SPATA17: variants seen among roughly 807,000 people sequenced by gnomAD.
SPATA17 encodes spermatogenesis associated 17.
Under a neutral mutation model 62.2 loss-of-function variants are expected in SPATA17, and 53 were observed. The ratio of observed to expected loss-of-function variants is 0.85; its 90% CI spans 0.68 to 1.07. The LOEUF (loss-of-function observed/expected upper bound fraction) is 1.07, where lower values mean the gene tolerates loss of function less well. SPATA17 is among the 50% of genes least tolerant of loss of function. The pLI, the probability that SPATA17 is intolerant of heterozygous loss-of-function variation, is 0.00. For synonymous variants in SPATA17, 146 were observed against 146.8 expected, an observed-to-expected ratio of 0.99 and a Z score of 0.04; for missense variants, 466 against 425.5, an observed-to-expected ratio of 1.10 and a Z score of -0.84.
chr1:217,799,183 T>C (rs1280893592), intron 8 of SPATA17, among the ~76,000 whole-genome samples: 1 of 152,166 alleles, frequency 6.6e-6, no homozygotes, highest in Non-Finnish European at 1.5e-5. Context: ...TACATGCACA[T>C]ATATATGTAC....
chr1:217,732,078 T>C (rs1672413811), intron 5 of SPATA17, among the ~76,000 whole-genome samples: 1 of 116,548 alleles, frequency 8.6e-6, no homozygotes, highest in Non-Finnish European at 2.0e-5. Context: ...AGAAAATTAC[T>C]CCAGTTTCTC....
chr1:217,787,737 T>C (rs1673904496), intron 8 of SPATA17, among the ~76,000 whole-genome samples: 1 of 152,270 alleles, frequency 6.6e-6, no homozygotes, highest in East Asian at 1.9e-4. Flanking sequence ...TAAACGCTCT[T>C]CACTGATCTT....
chr1:217,796,619 C>T (rs1300259145), intron 8 of SPATA17, among the ~76,000 whole-genome samples: 1 of 152,100 alleles, frequency 6.6e-6, no homozygotes, highest in African/African-American at 2.4e-5. Context: ...ACTATGAATT[C>T]TACTCTAAGT....
At position 217,870,949 on chromosome 1, in the gene SPATA17, T is replaced by C. The variant is rs898711591; in HGVS notation, c.*3930T>C. The C allele has an allele frequency of 6.6e-6, 1 of 152,182 alleles. No individual in the cohort carries two copies. The highest frequency in any genetic ancestry group is 6.6e-5 in the Admixed American group (1 of 15,266). 9.4% of individuals were successfully genotyped at this position (152,182 alleles called of 1,614,324 possible). On this transcript the variant is annotated 3_prime_UTR_variant, in exon 11 of 11. Transcript: ENST00000366933. ...TAAATAAAGAAGTTCAAAAAAATCT[T>C]TTAATAGAAGCTATAAAATAGCAGA...
chr1:217,689,466 T>A (rs1671298964), intron 5 of SPATA17, among the ~76,000 whole-genome samples: 2 of 152,072 alleles, frequency 1.3e-5, no homozygotes, highest in Non-Finnish European at 2.9e-5. Flanking sequence ...CCTCAGGTGA[T>A]CTGGCCACCT....
At chr1:217,721,628 C>T (rs1331574564) in intron 5 of SPATA17, among the ~76,000 whole-genome samples, 1 of 152,148 alleles carries the variant, frequency 6.6e-6, no homozygotes, top group Non-Finnish European at 1.5e-5. Context: ...TTTGCCATAG[C>T]CGTTCTCATG....
At chr1:217,681,417 A>G (rs1191248937) in intron 4 of SPATA17, among the ~76,000 whole-genome samples, 1 of 151,762 alleles carries the variant, frequency 6.6e-6, no homozygotes, top group African/African-American at 2.4e-5. Flanking sequence ...TCTGTCGCCC[A>G]GGCTGGAGTG....
intron 6 of SPATA17, among the ~76,000 whole-genome samples, chr1:217,753,983 C>T (rs1672977849): frequency 6.6e-6 from 1 of 152,028 alleles, no homozygotes; most frequent in African/African-American, 2.4e-5. Context: ...GCCTGTAATA[C>T]CCAACACTTT....
At chr1:217,660,165 G>A (rs1451331330) in intron 3 of SPATA17, among the ~76,000 whole-genome samples, 6 of 152,020 alleles carry the variant, frequency 3.9e-5, no homozygotes, top group Admixed American at 1.3e-4. Flanking sequence ...TATTTCCTAC[G>A]TATCCCTCAA....
At position 217,715,256 on chromosome 1, in the gene SPATA17, T is replaced by A. The variant is rs116165590; in HGVS notation, c.396-26719T>A. Among the ~76,000 whole-genome samples the A allele has an allele frequency of 5.0e-3, 759 of 152,320 alleles. 7 individuals are homozygous for A. The highest frequency in any genetic ancestry group is 0.017 in the African/African-American group (726 of 41,572). On this transcript the variant is annotated intron_variant, in intron 5 of 10. Coordinates refer to ENST00000366933, the MANE Select transcript of SPATA17 (RefSeq NM_138796.4). ...CGTATTAACAGATGATATTGAAATA[T>A]CTTTTTTACTCCTGAAGCATAAAGG...
intron 3 of SPATA17, among the ~76,000 whole-genome samples, chr1:217,651,774 A>G (rs1335053695): frequency 6.6e-6 from 1 of 152,232 alleles, no homozygotes; most frequent in African/African-American, 2.4e-5. Flanking sequence ...GGAAAGCAAC[A>G]AAGATTACAT....
intron 9 of SPATA17, among the ~76,000 whole-genome samples, chr1:217,818,107 A>G (rs1674766440): frequency 6.6e-6 from 1 of 152,046 alleles, no homozygotes; most frequent in African/African-American, 2.4e-5. Flanking sequence ...GAGAAAATAA[A>G]ACCACCTATT....
intron 7 of SPATA17, chr1:217,781,283 C>T (rs1054035336): frequency 6.6e-6 from 1 of 152,112 alleles, no homozygotes; most frequent in Admixed American, 6.6e-5. Context: ...TTAGTGATAA[C>T]CTATTTAAAG....
At chr1:217,824,739 T>C (rs1205461280) in intron 9 of SPATA17, among the ~76,000 whole-genome samples, 15 of 150,754 alleles carry the variant, frequency 9.9e-5, no homozygotes, top group Admixed American at 1.3e-4. Context: ...TCATTAAAAT[T>C]AAGGAAATGT....
At chr1:217,758,222 A>G (rs1239932293) in intron 6 of SPATA17, among the ~76,000 whole-genome samples, 1 of 152,182 alleles carries the variant, frequency 6.6e-6, no homozygotes, top group Non-Finnish European at 1.5e-5. Context: ...TATTACTTCC[A>G]ATTATCAATG....
chr1:217,695,983 G>GAGGA (rs1277472940), intron 5 of SPATA17, among the ~76,000 whole-genome samples: 1 of 150,542 alleles, frequency 6.6e-6, no homozygotes, highest in Non-Finnish European at 1.5e-5. Context: ...GGAGCCTACA[G>GAGGA]AGGCAGGCAG....
intron 5 of SPATA17, among the ~76,000 whole-genome samples, chr1:217,730,180 A>G (rs1248327114): frequency 6.6e-6 from 1 of 152,030 alleles, no homozygotes; most frequent in Non-Finnish European, 1.5e-5. Flanking sequence ...TCAGTAGGAG[A>G]CACTAAGTAA....
chr1:217,805,586 C>T lies in SPATA17; in HGVS notation c.1005+3736C>T, dbSNP rs540065861. On this transcript the variant is annotated intron_variant, in intron 9 of 10. Transcript: ENST00000366933. ...TAAATCTTATGGATATGTTAATTAGCATGATTGTGGTAATCATTTCCTAAT... is the reference window on the plus strand; with the variant it reads ...TAAATCTTATGGATATGTTAATTAGTATGATTGTGGTAATCATTTCCTAAT... Among the ~76,000 whole-genome samples the T allele has an allele frequency of 4.6e-5, 7 of 152,260 alleles. No homozygotes were observed. The South Asian group carries it at 1.2e-3, about 27-fold the overall frequency.
At chr1:217,829,671 T>A (rs1268983580) in intron 9 of SPATA17, among the ~76,000 whole-genome samples, 1 of 137,180 alleles carries the variant, frequency 7.3e-6, no homozygotes, top group Admixed American at 7.2e-5. Flanking sequence ...ATTTACTCAC[T>A]TATGTGAAAA....
Sources: allele counts gnomAD v4.1 joint callset (sites outside exome capture counted in the v4.1 genomes callset), GRCh38; gene constraint gnomAD v4.1.1; transcripts MANE v1.5; gene names NCBI Gene and HGNC (gene_info 2026-07-23, HGNC 2026-07-21).